The following LARS2 variants were observed in gnomAD, a reference collection of about 807,000 sequenced individuals.
LARS2 encodes leucyl-tRNA synthetase 2, mitochondrial, also known as leucine--tRNA ligase, mitochondrial.
Under a neutral mutation model 116.6 loss-of-function variants are expected in LARS2, and 81 were observed. The ratio of observed to expected loss-of-function variants is 0.69; its 90% CI spans 0.58 to 0.84. LARS2 has a LOEUF of 0.84. Ranked by LOEUF, LARS2 falls within the 40% of genes least tolerant of loss-of-function variation. The pLI is 0.00. For synonymous variants in LARS2, 396 were observed against 407.2 expected (o/e 0.97, Z 0.33); for missense variants, 968 against 1,114.5 (o/e 0.87, Z 1.87).
At chr3:45,444,843 T>C (rs945077860) in intron 6 of LARS2, among the ~76,000 whole-genome samples, 1 of 151,130 alleles carries the variant, frequency 6.6e-6, no homozygotes, top group Admixed American at 6.6e-5. Context: ...ATGTGTTATA[T>C]ATTTACTAAA....
intron 6 of LARS2, among the ~76,000 whole-genome samples, chr3:45,423,069 A>C (rs967530902): frequency 1.3e-5 from 2 of 152,230 alleles, no homozygotes; most frequent in South Asian, 4.1e-4. Flanking sequence ...TCTTTTATCT[A>C]TAGAGACTTG....
At chr3:45,500,222 G>A (rs1160229000) in intron 14 of LARS2, among the ~76,000 whole-genome samples, 8 of 152,156 alleles carry the variant, frequency 5.3e-5, no homozygotes, top group Non-Finnish European at 1.0e-4. Flanking sequence ...GGCTGGTCTC[G>A]AACTCCTGAC....
chr3:45,428,757 C>G (rs1415878770), intron 6 of LARS2, among the ~76,000 whole-genome samples: 1 of 152,140 alleles, frequency 6.6e-6, no homozygotes, highest in South Asian at 2.1e-4. Context: ...TACAAATTTT[C>G]AAACACTTAG....
In LARS2 at chr3:45,490,210, C is replaced by T. The variant is rs550318691; in HGVS notation, c.1240-1307C>T. On this transcript the variant is annotated intron_variant, in intron 12 of 21. Coordinates refer to ENST00000645846, the MANE Select transcript of LARS2 (RefSeq NM_015340.4). ...CAGGTTTCCTGGAGGTAGAGCAGAG[C>T]GAAATCACAGTGTCTGTAAGGAGCC... Among the ~76,000 whole-genome samples, 13 of 152,128 alleles carry T rather than the reference C, an allele frequency of 8.5e-5. No individual in the cohort carries two copies. In the South Asian group the frequency reaches 1.9e-3, roughly 22 times the overall value.
rs765972237 is a variant in LARS2 at position 45,491,753 on chromosome 3, C to G, written c.1476C>G (p.Gly492=). 4 of 1,612,814 alleles carry G rather than the reference C, an allele frequency of 2.5e-6. No homozygotes were observed. The highest frequency in any genetic ancestry group is 3.4e-6 in the Non-Finnish European group (4 of 1,178,972). Residue 492 remains glycine (G), a synonymous_variant, in exon 13 of 22, where the codon GGC becomes GGG. Transcript: ENST00000645846. ...TCGCGTCTTTCACTGGCAAGGGAGG[C>G]CCCCCACTGGCCATGGCTTCAGAGT... The part of the protein sequence containing the change: ...PNIASFTGKG[G]PPLAMASEWV...
chr3:45,468,928 T>C (rs550127986), intron 8 of LARS2, among the ~76,000 whole-genome samples: 1 of 152,314 alleles, frequency 6.6e-6, no homozygotes, highest in Non-Finnish European at 1.5e-5. Flanking sequence ...AGGAGTCCTC[T>C]TATTGGAAGC....
At chr3:45,533,139 G>GTATT (rs1559499579) in intron 20 of LARS2, among the ~76,000 whole-genome samples, 2 of 86,390 alleles carry the variant, frequency 2.3e-5, no homozygotes, top group African/African-American at 8.4e-5. Context: ...GTCACATTAA[G>GTATT]TCTTTTTTTT....
chr3:45,438,935 A>T (rs2125699452), intron 6 of LARS2, among the ~76,000 whole-genome samples: 1 of 152,222 alleles, frequency 6.6e-6, no homozygotes, highest in Non-Finnish European at 1.5e-5. Flanking sequence ...TCATTTGTAA[A>T]TTGCTGGGGG....
chr3:45,407,114 C>A (rs1036304488), intron 4 of LARS2, among the ~76,000 whole-genome samples: 5 of 152,064 alleles, frequency 3.3e-5, no homozygotes, highest in Non-Finnish European at 5.9e-5. Flanking sequence ...CTGCTTGGGC[C>A]TTTTTGCTAT....
chr3:45,463,346 C>T (rs1435268699), intron 8 of LARS2, among the ~76,000 whole-genome samples: 1 of 152,242 alleles, frequency 6.6e-6, no homozygotes, highest in Non-Finnish European at 1.5e-5. Context: ...TGGACATAAG[C>T]ATGCCTTCAT....
At chr3:45,399,893 T>C (rs1698114639) in intron 3 of LARS2, among the ~76,000 whole-genome samples, 1 of 152,118 alleles carries the variant, frequency 6.6e-6, no homozygotes, top group Non-Finnish European at 1.5e-5. Flanking sequence ...TGGTTTTCCA[T>C]TCCTGAGTTA....
chr3:45,482,141 A>G (rs1699713128), intron 10 of LARS2, among the ~76,000 whole-genome samples: 1 of 152,168 alleles, frequency 6.6e-6, no homozygotes, highest in Non-Finnish European at 1.5e-5. Flanking sequence ...TCTGGCCTTC[A>G]CTTAATATGC....
rs376129780 is a variant in LARS2 at position 45,400,387 on chromosome 3, C to T, written c.363+14C>T. 109 of 1,589,364 alleles carry T rather than the reference C, an allele frequency of 6.9e-5. No individual in the cohort carries two copies. The highest frequency in any genetic ancestry group is 8.5e-5 in the Non-Finnish European group (99 of 1,168,178). On this transcript the variant is annotated intron_variant, in intron 4 of 21. Coordinates refer to ENST00000645846, the MANE Select transcript of LARS2 (RefSeq NM_015340.4). ...AGAGGGATGCAGGTAAGAACAGGTGCCTGCTGGAGCAGCCCTTGTCTGCCA... is the reference window on the plus strand; with the variant it reads ...AGAGGGATGCAGGTAAGAACAGGTGTCTGCTGGAGCAGCCCTTGTCTGCCA...
At chr3:45,403,130 A>AAAAAAAAT (rs1456792064) in intron 4 of LARS2, among the ~76,000 whole-genome samples, 1 of 150,298 alleles carries the variant, frequency 6.7e-6, no homozygotes, top group African/African-American at 2.5e-5. Flanking sequence ...AAAAAAAAAA[A>AAAAAAAAT]AGAAAGATGT....
At chr3:45,501,303 A>G (rs1700117632) in intron 15 of LARS2, among the ~76,000 whole-genome samples, 1 of 150,532 alleles carries the variant, frequency 6.6e-6, no homozygotes, top group African/African-American at 2.4e-5. Flanking sequence ...GCTAATACCG[A>G]TCCCAGATTT....
At chr3:45,540,548 C>T (rs1345913356) in intron 20 of LARS2, among the ~76,000 whole-genome samples, 1 of 152,166 alleles carries the variant, frequency 6.6e-6, no homozygotes, top group East Asian at 1.9e-4. Context: ...GGGCCAGTTC[C>T]ACCTCCACCA....
chr3:45,422,820 A>G (rs1282679755), intron 6 of LARS2, among the ~76,000 whole-genome samples: 1 of 152,162 alleles, frequency 6.6e-6, no homozygotes, highest in Admixed American at 6.5e-5. Flanking sequence ...GTTGACTTCT[A>G]TTGGTACATC....
At chr3:45,434,840 C>A (rs1398093282) in intron 6 of LARS2, among the ~76,000 whole-genome samples, 1 of 152,162 alleles carries the variant, frequency 6.6e-6, no homozygotes, top group African/African-American at 2.4e-5. Context: ...CTCCTTGTTA[C>A]TGCTGGAAGG....
intron 4 of LARS2, among the ~76,000 whole-genome samples, chr3:45,406,319 G>A (rs1465293278): frequency 1.3e-5 from 2 of 152,134 alleles, no homozygotes; most frequent in Non-Finnish European, 2.9e-5. Flanking sequence ...GGCAGGTTGC[G>A]ATATAGTCCT....
Sources: allele counts gnomAD v4.1 joint callset (sites outside exome capture counted in the v4.1 genomes callset), GRCh38; gene constraint gnomAD v4.1.1; transcripts MANE v1.5; gene names NCBI Gene and HGNC (gene_info 2026-07-23, HGNC 2026-07-21).